The following PLEKHA6 variants were observed in gnomAD, a reference collection of about 807,000 sequenced individuals.
The protein encoded by PLEKHA6 is pleckstrin homology domain-containing family A member 6.
PLEKHA6 carries 60 observed loss-of-function variants against 116.7 expected under a neutral mutation model. That is an observed-to-expected ratio of 0.51 (90% confidence interval 0.42 to 0.64). The LOEUF is 0.64. Ranked by LOEUF, PLEKHA6 falls within the 30% of genes least tolerant of loss-of-function variation. PLEKHA6 has a pLI of 0.00. For synonymous variants in PLEKHA6, 489 were observed against 556.1 expected, an observed-to-expected ratio of 0.88 and a Z score of 1.70; for missense variants, 1,338 against 1,422.7, an observed-to-expected ratio of 0.94 and a Z score of 0.96.
intron 1 of PLEKHA6, among the ~76,000 whole-genome samples, chr1:204,338,412 C>T (rs1377030511): frequency 6.6e-6 from 1 of 152,200 alleles, no homozygotes. Flanking sequence ...TCCCCCGCTC[C>T]ATTAAGGTCA....
At chr1:204,370,989 G>A (rs532043135) in intron 2 of PLEKHA6, among the ~76,000 whole-genome samples, 2 of 151,084 alleles carry the variant, frequency 1.3e-5, no homozygotes, top group South Asian at 2.1e-4. Flanking sequence ...GGGAGGCAGA[G>A]GTTGCAGTGA....
intron 3 of PLEKHA6, chr1:204,367,732 T>A (rs573784445): frequency 8.5e-5 from 13 of 152,230 alleles, no homozygotes; most frequent in African/African-American, 2.4e-4. Context: ...TTTAACCATC[T>A]CTCCTCCTGA....
Position 204,261,333 on chromosome 1 carries a change from T to A in PLEKHA6, c.497A>T (p.Lys166Met). The change falls in exon 7 of 23, where the codon AAG becomes ATG. Residue 166 changes from lysine to methionine, a missense_variant. Physicochemically the swap from Lys to Met is moderately conservative, Grantham distance 95 (BLOSUM62 -1). Around this residue, in one of 3 missense-constraint regions of PLEKHA6, gnomAD observed 140 missense variants for 197.4 expected, o/e 0.71. Transcript: ENST00000272203. This position sits in a 1 kb window ranked among gnomAD's most constrained non-coding sequence, Gnocchi z 4.0. ...AARVQIPPAQ[K>M]SVPQAVRHSH... ...GTGCCGCACAGCTTGGGGCACTGACTTCTGGGCTGGAGGGATCTGTACTCG... is the reference window on the plus strand; with the variant it reads ...GTGCCGCACAGCTTGGGGCACTGACATCTGGGCTGGAGGGATCTGTACTCG... 6.2e-7 allele frequency: 1 copy of A among 1,614,144 alleles called. No homozygotes were observed. Among genetic ancestry groups the A allele is most frequent in the Non-Finnish European group, 8.5e-7 (1 of 1,180,028 alleles).
rs200069958 is a variant in PLEKHA6, at chr1:204,328,037, TTTTA to T, written c.-95+31653_-95+31656del. ...CTGGGATAAAAAGGAAAGAAGCTGCTTTTATTTATTTTATTTATTTATTTATTTA... is the reference window on the plus strand; with the variant it reads ...CTGGGATAAAAAGGAAAGAAGCTGCTTTTATTTTATTTATTTATTTATTTA... On this transcript the variant is annotated intron_variant, in intron 1 of 22. Coordinates refer to ENST00000272203, the MANE Select transcript of PLEKHA6 (RefSeq NM_014935.5). 3.3e-3 allele frequency among the ~76,000 whole-genome samples: 436 copies of T among 131,216 alleles called. 3 individuals carry two copies. The highest frequency in any genetic ancestry group is 0.012 in the African/African-American group (396 of 32,016). The allele number at this position is 131,216 out of a possible 152,430, so 86.1% of individuals were successfully genotyped here.
At chr1:204,294,820 C>CA (rs1181284101) in intron 1 of PLEKHA6, among the ~76,000 whole-genome samples, 3 of 152,110 alleles carry the variant, frequency 2.0e-5, no homozygotes, top group African/African-American at 7.2e-5. Context: ...ATTATACCCA[C>CA]AAAAAATTTA....
At chr1:204,285,421 T>A (rs1390209386) in intron 1 of PLEKHA6, among the ~76,000 whole-genome samples, 1 of 60,656 alleles carries the variant, frequency 1.6e-5, no homozygotes, top group Admixed American at 2.0e-4. Context: ...ATTGTTTTCG[T>A]TTTTTTGGGT....
At chr1:204,359,543 G>A in intron 1 of PLEKHA6, 151 bp downstream of exon 1, 1 of 914,758 alleles carries the variant, frequency 1.1e-6, no homozygotes, top group Non-Finnish European at 1.3e-6. Flanking sequence ...TGATCCCCAA[G>A]TAAGGCTGCC....
chr1:204,360,958 T>G (rs530922091), upstream of PLEKHA6, among the ~76,000 whole-genome samples: 2 of 152,244 alleles, frequency 1.3e-5, no homozygotes, highest in African/African-American at 2.4e-5. Context: ...TCTGTGACAA[T>G]GGGCAAGTGT....
At chr1:204,334,355 T>G (rs568904662) in intron 1 of PLEKHA6, among the ~76,000 whole-genome samples, 2 of 152,188 alleles carry the variant, frequency 1.3e-5, no homozygotes, top group South Asian at 4.1e-4. Context: ...ACTCTGACCC[T>G]CCACACAACT....
At chr1:204,270,392 A>G (rs1207915383) in intron 3 of PLEKHA6, among the ~76,000 whole-genome samples, 1 of 152,146 alleles carries the variant, frequency 6.6e-6, no homozygotes, top group Non-Finnish European at 1.5e-5. Flanking sequence ...AGCTCAACCC[A>G]TTTTATGCCT....
In PLEKHA6 at chr1:204,277,898, G is replaced by A. The variant is rs1332701053; in HGVS notation, c.-94-3089C>T. ...CGTGGATGCTGTGGAACCAGAGCTG[G>A]TGGCTAGGATGGGGCTGCTCAGGCA... On this transcript the variant is annotated intron_variant, in intron 1 of 22. Coordinates refer to ENST00000272203, the MANE Select transcript of PLEKHA6 (RefSeq NM_014935.5). This position sits in a 1 kb window ranked among gnomAD's most constrained non-coding sequence, Gnocchi z 4.1. 1 of 152,310 alleles carries A rather than the reference G, an allele frequency of 6.6e-6. No homozygotes were observed. Among genetic ancestry groups the A allele is most frequent in the Non-Finnish European group, 1.5e-5 (1 of 68,124 alleles). 9.4% of individuals were successfully genotyped at this position (152,310 alleles called of 1,614,324 possible).
At chr1:204,344,528 A>G (rs1672960791) in intron 1 of PLEKHA6, among the ~76,000 whole-genome samples, 1 of 148,036 alleles carries the variant, frequency 6.8e-6, no homozygotes, top group Non-Finnish European at 1.5e-5. Context: ...TGAACCCGGG[A>G]GGCAGAGGTT....
Position 204,229,047 on chromosome 1 carries a change from G to A in PLEKHA6, c.2641C>T (p.Arg881Trp), listed in dbSNP as rs201425011. The A allele has an allele frequency of 3.1e-5, 50 of 1,614,038 alleles. No homozygotes were observed. The highest frequency in any genetic ancestry group is 1.1e-4 in the African/African-American group (8 of 75,020). The change falls in exon 19 of 23, where the codon CGG (arginine) becomes TGG (tryptophan). Residue 881 changes from arginine (R) to tryptophan (W), a missense_variant. Coordinates refer to ENST00000272203, the MANE Select transcript of PLEKHA6 (RefSeq NM_014935.5). The part of the protein sequence containing the change: ...VDISNLEAAL[R>W]AEEPGGHAYE... Reference sequence around the variant, plus strand: ...GCATGCCCGCCAGGCTCCTCTGCCCGCAGGGCTGCCTCCAGGTTGGAGATG... The same window carrying A: ...GCATGCCCGCCAGGCTCCTCTGCCCACAGGGCTGCCTCCAGGTTGGAGATG...
chr1:204,316,935 C>T (rs1558177629), intron 1 of PLEKHA6, among the ~76,000 whole-genome samples: 2 of 152,164 alleles, frequency 1.3e-5, no homozygotes, highest in South Asian at 2.1e-4. Context: ...GCGGCCTCCT[C>T]GTATCCACTC....
chr1:204,373,086 CTTTT>C (rs973883787), intron 1 of PLEKHA6, among the ~76,000 whole-genome samples: 14 of 113,400 alleles, frequency 1.2e-4, no homozygotes, highest in Non-Finnish European at 2.3e-4. Flanking sequence ...TTTTTTCTTT[CTTTT>C]TTTTTTTTTT....
intron 1 of PLEKHA6, among the ~76,000 whole-genome samples, chr1:204,332,968 A>G (rs545923144): frequency 1.3e-5 from 2 of 152,362 alleles, no homozygotes; most frequent in South Asian, 4.1e-4. Flanking sequence ...AATGCAGAGT[A>G]TCATTATCAT....
Position 204,259,406 on chromosome 1 carries a change from A to G in PLEKHA6, c.859T>C (p.Ser287Pro). ...TGTCCCCCAGTCTCTCCATCCTGAGACGGGAAAGCTGTGCTCCCTGGCCGG... is the reference window on the plus strand; with the variant it reads ...TGTCCCCCAGTCTCTCCATCCTGAGGCGGGAAAGCTGTGCTCCCTGGCCGG... ...PSRPGSTAFP[S>P]QDGETGGHRR... The change falls in exon 8 of 23, where the codon TCT becomes CCT. Residue 287 changes from serine to proline, a missense_variant. Physicochemically the swap from Ser to Pro is moderately conservative, Grantham distance 74. Transcript: ENST00000272203. This position sits in a 1 kb window ranked among gnomAD's most constrained non-coding sequence, Gnocchi z 4.6. The G allele has an allele frequency of 6.2e-7, 1 of 1,614,186 alleles. No homozygotes were observed. The highest frequency in any genetic ancestry group is 1.1e-5 in the South Asian group (1 of 91,082).
chr1:204,276,382 C>A (rs1668007222), intron 1 of PLEKHA6, among the ~76,000 whole-genome samples: 1 of 152,202 alleles, frequency 6.6e-6, no homozygotes, highest in South Asian at 2.1e-4. Flanking sequence ...ACACACTCCT[C>A]AATTTAATCA....
chr1:204,329,344 G>T (rs1281219220), intron 1 of PLEKHA6, among the ~76,000 whole-genome samples: 3 of 152,176 alleles, frequency 2.0e-5, no homozygotes, highest in African/African-American at 7.2e-5. Flanking sequence ...AGCCAGAACA[G>T]GTGGGAGTGG....
Sources: gnomAD v4.1 joint callset for allele counts (sites outside exome capture counted in the v4.1 genomes callset) on GRCh38, gnomAD v4.1.1 for gene constraint, gnomAD v4.1.1 regional missense constraint, Gnocchi (gnomAD v3.1) non-coding constraint, MANE v1.5 for transcripts, NCBI Gene and HGNC (gene_info 2026-07-23, HGNC 2026-07-21) for gene names.